The following SNRPN variants were observed in gnomAD, a reference collection of about 807,000 sequenced individuals.
SNRPN encodes the protein small nuclear ribonucleoprotein-associated protein N.
A neutral mutation model predicts 25.2 loss-of-function variants in SNRPN; 7 were observed. That is an observed-to-expected ratio of 0.28 (90% CI 0.16 to 0.52). The LOEUF (loss-of-function observed/expected upper bound fraction) is 0.52. Ranked by LOEUF, SNRPN falls within the 20% of genes least tolerant of loss-of-function variation. The probability of loss-of-function intolerance (pLI) is 0.96; values close to 1 mark genes in which losing one functional copy is unlikely to be tolerated. For synonymous variants in SNRPN, 124 were observed against 110.6 expected (o/e 1.12, Z -0.76); for missense variants, 196 against 322.5 (o/e 0.61, Z 3.00).
chr15:24,879,270 A>G (rs1744588551), intron 1 of SNRPN, among the ~76,000 whole-genome samples: 1 of 151,966 alleles, frequency 6.6e-6, no homozygotes, highest in Non-Finnish European at 1.5e-5. Flanking sequence ...CCTCGTCTCT[A>G]CTAAAATACA....
chr15:24,939,720 G>A lies in SNRPN; in HGVS notation c.-391+19596G>A, dbSNP rs532630069. On this transcript the variant is annotated intron_variant, in intron 3 of 11. Transcript: ENST00000400097. ...AGTACTGGGATTACAGGCGTGAGCC[G>A]CTGCACCTGGCTTGGCCCATTTTAA... 5.4e-5 allele frequency among the ~76,000 whole-genome samples: 8 copies of A among 149,110 alleles called. No homozygotes were observed. The East Asian group carries it at 9.9e-4, about 18-fold the overall frequency.
chr15:24,844,334 C>G (rs1292903992), intron 2 of SNRPN, among the ~76,000 whole-genome samples: 12 of 152,062 alleles, frequency 7.9e-5, no homozygotes, highest in Admixed American at 3.3e-4. Flanking sequence ...GACTGTCACT[C>G]TTCTCATTTC....
intron 1 of SNRPN, among the ~76,000 whole-genome samples, chr15:24,882,485 C>T (rs80120794): frequency 0.077 from 11,636 of 152,078 alleles, 501 homozygotes; most frequent in Non-Finnish European, 0.098. Context: ...AGATGCTCCT[C>T]GACTTACAAT....
chr15:24,916,900 G>T lies in SNRPN; in HGVS notation c.-504-3111G>T, dbSNP rs955730256. ...CGCAGCAAGATTTATTGTGAAGATC[G>T]AAAGAACAAAATTTCCACAGCATAG... On this transcript the variant is annotated intron_variant, in intron 2 of 11. Coordinates refer to the SNRPN transcript ENST00000400097. Among the ~76,000 whole-genome samples the T allele has an allele frequency of 2.0e-5, 3 of 152,244 alleles. No homozygotes were observed. In the East Asian group the frequency reaches 5.8e-4, roughly 29 times the overall value.
intron 2 of SNRPN, among the ~76,000 whole-genome samples, chr15:24,837,679 C>A (rs2142687709): frequency 1.3e-5 from 2 of 150,416 alleles, no homozygotes; most frequent in South Asian, 4.2e-4. Context: ...TGGGGGGCTA[C>A]TGATTTAAAG....
chr15:24,836,815 A>C (rs986794420), intron 2 of SNRPN, among the ~76,000 whole-genome samples: 2 of 152,140 alleles, frequency 1.3e-5, no homozygotes, highest in African/African-American at 4.8e-5. Context: ...GTCATTTAGA[A>C]GTATGATTGG....
intron 1 of SNRPN, among the ~76,000 whole-genome samples, chr15:24,884,395 TTAAAAG>T (rs2057006938): frequency 6.6e-6 from 1 of 152,148 alleles, no homozygotes; most frequent in African/African-American, 2.4e-5. Context: ...TTTTCATAGT[TTAAAAG>T]TAAGACTTGG....
chr15:24,831,539 C>A (rs775804329), intron 2 of SNRPN, among the ~76,000 whole-genome samples: 3 of 151,980 alleles, frequency 2.0e-5, no homozygotes, highest in Non-Finnish European at 4.4e-5. Flanking sequence ...TTATTGTTAA[C>A]TATAGTTACC....
In SNRPN at chr15:24,896,426, G is replaced by A. The variant is rs143419340; in HGVS notation, c.-505+9837G>A. ...CAGTTGGCTTTGAGTTCATTAAAAG[G>A]CAGAATAGCCTATGTAGACCTCCCC... is the stretch of plus-strand genomic sequence containing the variant. On this transcript the variant is annotated intron_variant, in intron 2 of 11. Coordinates refer to the SNRPN transcript ENST00000400097. Among the ~76,000 whole-genome samples the A allele has an allele frequency of 3.9e-4, 60 of 152,260 alleles. No individual in the cohort carries two copies. In the East Asian group the frequency reaches 0.011, roughly 28 times the overall value.
chr15:24,867,726 C>T (rs1183494626), intron 1 of SNRPN, among the ~76,000 whole-genome samples: 21 of 152,122 alleles, frequency 1.4e-4, no homozygotes, highest in Admixed American at 1.3e-3. Context: ...TTTTGATCCA[C>T]TCCAACAGTC....
intron 1 of SNRPN, among the ~76,000 whole-genome samples, chr15:24,877,081 G>T (rs1325087113): frequency 1.3e-5 from 2 of 152,104 alleles, no homozygotes; most frequent in East Asian, 3.9e-4. Flanking sequence ...AAATATATGG[G>T]GTTTAGGTTC....
intron 3 of SNRPN, among the ~76,000 whole-genome samples, chr15:24,931,164 C>T (rs2060827825): frequency 6.6e-6 from 1 of 152,136 alleles, no homozygotes; most frequent in African/African-American, 2.4e-5. Flanking sequence ...AGGAACTTTG[C>T]AATTAGTTTT....
Position 24,978,259 on chromosome 15 carries a change from G to T in SNRPN, c.626G>T (p.Arg209Leu). Residue 209 changes from arginine (R) to leucine (L), a missense_variant, in exon 9 of 10, where the codon CGA (arginine) becomes CTA (leucine). Physicochemically the swap from Arg to Leu is moderately radical, Grantham distance 102. Transcript: ENST00000390687. ...MGPPIGLPPA[R>L]GTPIGMPPPG... ...CCACCAATTGGGCTTCCCCCTGCTC[G>T]AGGGACGCCAATAGGCATGCCGCCT... is the stretch of plus-strand genomic sequence containing the variant. 6.2e-7 allele frequency: 1 copy of T among 1,614,062 alleles called. No individual in the cohort carries two copies. Among genetic ancestry groups the T allele is most frequent in the Non-Finnish European group, 8.5e-7 (1 of 1,179,982 alleles).
intron 1 of SNRPN, among the ~76,000 whole-genome samples, chr15:24,886,037 T>G (rs955559773): frequency 1.3e-5 from 2 of 151,756 alleles, no homozygotes; most frequent in Non-Finnish European, 2.9e-5. Context: ...TGTAAAAAAT[T>G]TTATTCTTAA....
At chr15:24,866,207 C>T (rs2054554577) in intron 1 of SNRPN, among the ~76,000 whole-genome samples, 2 of 143,496 alleles carry the variant, frequency 1.4e-5, no homozygotes, top group Non-Finnish European at 3.0e-5. Flanking sequence ...ATATTTTGTT[C>T]CATCTATTTA....
intron 2 of SNRPN, among the ~76,000 whole-genome samples, chr15:24,892,800 G>A (rs965754247): frequency 6.6e-6 from 1 of 151,978 alleles, no homozygotes; most frequent in Non-Finnish European, 1.5e-5. Context: ...AGGGAGGTAG[G>A]CAGAATTGTG....
chr15:24,898,944 G>T (rs114825671), intron 2 of SNRPN, among the ~76,000 whole-genome samples: 10,544 of 152,202 alleles, frequency 0.069, 1,219 homozygotes, highest in African/African-American at 0.24. Flanking sequence ...AGGCTGTGGG[G>T]GTTGAAAGGA....
At chr15:24,862,476 A>ATTC (rs2054075257) in intron 1 of SNRPN, among the ~76,000 whole-genome samples, 1 of 150,856 alleles carries the variant, frequency 6.6e-6, no homozygotes, top group Admixed American at 6.6e-5. Context: ...ATTGAAAGAG[A>ATTC]GATGGAGTGT....
Position 24,862,194 on chromosome 15 carries a change from C to T in SNRPN, c.-579+5478C>T, listed in dbSNP as rs572531316. The stretch of plus-strand genomic sequence containing the variant: ...TAGAAATGATGAAATATGAGAACAA[C>T]ATTGGAAATATTTATCAAGGGAACC... On this transcript the variant is annotated intron_variant, in intron 1 of 11. Coordinates refer to the SNRPN transcript ENST00000400097. Among the ~76,000 whole-genome samples, 36 of 151,156 alleles carry T rather than the reference C, an allele frequency of 2.4e-4. 2 individuals are homozygous for T. The highest frequency in any genetic ancestry group is 1.5e-4 in the Non-Finnish European group (10 of 68,010).
Sources: gnomAD v4.1 joint callset for allele counts (sites outside exome capture counted in the v4.1 genomes callset) on GRCh38, gnomAD v4.1.1 for gene constraint, MANE v1.5 for transcripts, NCBI Gene and HGNC (gene_info 2026-07-23, HGNC 2026-07-21) for gene names.